Variants in PACS1 observed in about 807,000 individuals in gnomAD.
PACS1 encodes phosphofurin acidic cluster sorting protein 1.
PACS1 carries 24 observed loss-of-function variants against 115.0 expected under a neutral mutation model. The observed-to-expected ratio is 0.21, with a 90% CI of 0.15 to 0.29. PACS1 has a LOEUF of 0.29. Among genes scored for constraint, PACS1 ranks in the 10% least tolerant of loss-of-function variants. The pLI is 1.00. For missense variants in PACS1, 838 were observed against 1,251.2 expected, an observed-to-expected ratio of 0.67 and a Z score of 4.98; for synonymous variants, 453 against 504.5, an observed-to-expected ratio of 0.90 and a Z score of 1.37.
chr11:66,186,499 C>T (rs892095159), intron 1 of PACS1, among the ~76,000 whole-genome samples: 11 of 152,178 alleles, frequency 7.2e-5, no homozygotes, highest in African/African-American at 2.4e-4. Flanking sequence ...GCCTCTTGCT[C>T]GCAATACCTA....
At chr11:66,124,188 G>A (rs1858517648) in intron 1 of PACS1, among the ~76,000 whole-genome samples, 1 of 152,224 alleles carries the variant, frequency 6.6e-6, no homozygotes. Context: ...AGCATAATAG[G>A]AGCTCTGGAC....
At chr11:66,223,995 C>T (rs932620188) in intron 10 of PACS1, among the ~76,000 whole-genome samples, 1 of 151,970 alleles carries the variant, frequency 6.6e-6, no homozygotes, top group Non-Finnish European at 1.5e-5. Context: ...GTCAGGAGTT[C>T]GAGACCAGCC....
chr11:66,176,118 T>A (rs12416771), intron 1 of PACS1, among the ~76,000 whole-genome samples: 2 of 152,202 alleles, frequency 1.3e-5, no homozygotes, highest in African/African-American at 4.8e-5. Context: ...AGTGGATACA[T>A]GTGCAGATTT....
chr11:66,087,663 G>A (rs568649030), intron 1 of PACS1, among the ~76,000 whole-genome samples: 4 of 152,290 alleles, frequency 2.6e-5, no homozygotes, highest in East Asian at 3.9e-4. Flanking sequence ...TGAGTATATC[G>A]TAGTTTGTGT....
At chr11:66,223,256 G>C (rs1855397363) in intron 10 of PACS1, among the ~76,000 whole-genome samples, 1 of 151,974 alleles carries the variant, frequency 6.6e-6, no homozygotes, top group East Asian at 1.9e-4. Flanking sequence ...CCCACACCCG[G>C]CTAATTTTTG....
chr11:66,137,177 G>A (rs977358435), intron 1 of PACS1, among the ~76,000 whole-genome samples: 2 of 151,190 alleles, frequency 1.3e-5, no homozygotes, highest in Non-Finnish European at 2.9e-5. Context: ...ACTTAGAAAG[G>A]CCTTGTCCAC....
chr11:66,141,616 T>C (rs1858989002), intron 1 of PACS1, among the ~76,000 whole-genome samples: 1 of 149,910 alleles, frequency 6.7e-6, no homozygotes, highest in Non-Finnish European at 1.5e-5. Flanking sequence ...ATCACACCAC[T>C]GTACTCTAGC....
At position 66,070,858 on chromosome 11, in the gene PACS1, T is replaced by TGCGGCGGG; in HGVS notation, c.356+20_356+27dup. 1 of 1,440,764 alleles carries TGCGGCGGG rather than the reference T, an allele frequency of 6.9e-7. No homozygotes were observed. The highest frequency in any genetic ancestry group is 9.0e-7 in the Non-Finnish European group (1 of 1,106,140). The allele number at this position is 1,440,764 out of a possible 1,614,324, so 89.2% of individuals were successfully genotyped here. ...GCGTGCCTAGGTGAGCGCGGGAGGG[T>TGCGGCGGG]GCGGCGGGGCGCCGGGGGAGCGGGG... On this transcript the variant is annotated intron_variant, in intron 1 of 23. Coordinates refer to ENST00000320580, the MANE Select transcript of PACS1 (RefSeq NM_018026.4). The surrounding 1 kb of genome is among the most constrained non-coding windows in gnomAD (Gnocchi z 5.9).
chr11:66,146,350 A>T (rs751890131), intron 1 of PACS1, among the ~76,000 whole-genome samples: 5 of 152,228 alleles, frequency 3.3e-5, no homozygotes, highest in Non-Finnish European at 7.3e-5. Flanking sequence ...ATAAATCTCA[A>T]TAAAACAGAA....
intron 1 of PACS1, among the ~76,000 whole-genome samples, chr11:66,114,184 C>T (rs907051777): frequency 3.4e-4 from 52 of 151,852 alleles, no homozygotes; most frequent in Middle Eastern, 3.4e-3. Context: ...TTTGGGAGGC[C>T]GAGGCGGGCG....
At chr11:66,188,621 G>A (rs1421208554) in intron 1 of PACS1, among the ~76,000 whole-genome samples, 1 of 152,124 alleles carries the variant, frequency 6.6e-6, no homozygotes, top group Non-Finnish European at 1.5e-5. Flanking sequence ...TTCAGGCCTT[G>A]TATCCTACAT....
intron 1 of PACS1, among the ~76,000 whole-genome samples, chr11:66,073,844 C>G (rs954016302): frequency 1.3e-5 from 2 of 151,404 alleles, no homozygotes; most frequent in African/African-American, 4.9e-5. Flanking sequence ...GCCTCCAACT[C>G]CTGGGCTCAG....
chr11:66,155,063 A>G lies in PACS1; in HGVS notation c.357-38423A>G, dbSNP rs760060631. Among the ~76,000 whole-genome samples, 107 of 152,372 alleles carry G rather than the reference A, an allele frequency of 7.0e-4. 2 individuals carry two copies. In the Middle Eastern group the frequency reaches 0.021, roughly 29 times the overall value. On this transcript the variant is annotated intron_variant, in intron 1 of 23. Coordinates refer to ENST00000320580, the MANE Select transcript of PACS1 (RefSeq NM_018026.4). ...GGAACATCTTTTCAACACATGGTAC[A>G]GCAGCAACTAAATATCTGTGTGGAA...
intron 1 of PACS1, among the ~76,000 whole-genome samples, chr11:66,137,504 T>A (rs570940940): frequency 6.6e-6 from 1 of 152,254 alleles, no homozygotes; most frequent in African/African-American, 2.4e-5. Context: ...ACACATCTTA[T>A]ACCTTCATTA....
intron 1 of PACS1, among the ~76,000 whole-genome samples, chr11:66,172,451 G>C (rs1859761584): frequency 6.6e-6 from 1 of 152,182 alleles, no homozygotes; most frequent in Non-Finnish European, 1.5e-5. Flanking sequence ...GCCATGTCAT[G>C]AGGTTATCAA....
chr11:66,228,803 A>C (rs1565155691), intron 11 of PACS1, among the ~76,000 whole-genome samples: 1 of 152,158 alleles, frequency 6.6e-6, no homozygotes, highest in Non-Finnish European at 1.5e-5. Context: ...TGATCTGGTT[A>C]ATGGTCACCT....
chr11:66,088,234 C>G (rs896515474), intron 1 of PACS1, among the ~76,000 whole-genome samples: 1 of 151,870 alleles, frequency 6.6e-6, no homozygotes, highest in Admixed American at 6.6e-5. Context: ...TCAGTGGTGT[C>G]TTTCAATGAA....
chr11:66,102,683 G>A (rs1857946767), intron 1 of PACS1, among the ~76,000 whole-genome samples: 1 of 152,022 alleles, frequency 6.6e-6, no homozygotes, highest in Non-Finnish European at 1.5e-5. Context: ...AAATAATAAT[G>A]TCATCTTTTT....
At chr11:66,199,307 T>A (rs1411430777) in intron 2 of PACS1, among the ~76,000 whole-genome samples, 1 of 142,214 alleles carries the variant, frequency 7.0e-6, no homozygotes, top group Non-Finnish European at 1.5e-5. Flanking sequence ...AGAGCGAGAC[T>A]CCATCTCAAA....
Sources: gnomAD v4.1 joint callset for allele counts (sites outside exome capture counted in the v4.1 genomes callset) on GRCh38, gnomAD v4.1.1 for gene constraint, Gnocchi (gnomAD v3.1) non-coding constraint, MANE v1.5 for transcripts, NCBI Gene and HGNC (gene_info 2026-07-23, HGNC 2026-07-21) for gene names.